The following LGMN variants were observed in gnomAD, a reference collection of about 807,000 sequenced individuals.
LGMN encodes asparaginyl endopeptidase.
Under a neutral mutation model 56.8 loss-of-function variants are expected in LGMN, and 36 were observed. The observed-to-expected ratio is 0.63, with a 90% CI of 0.49 to 0.84. The LOEUF is 0.84. Among genes scored for constraint, LGMN ranks in the 40% least tolerant of loss-of-function variants. The pLI is 0.00. For missense variants in LGMN, 446 were observed against 556.1 expected, an observed-to-expected ratio of 0.80 and a Z score of 1.99; for synonymous variants, 199 against 210.1, an observed-to-expected ratio of 0.95 and a Z score of 0.46.
chr14:92,717,118 T>C (rs1890111096), intron 4 of LGMN, among the ~76,000 whole-genome samples: 2 of 152,152 alleles, frequency 1.3e-5, no homozygotes, highest in South Asian at 4.1e-4. Context: ...TTAATATGGA[T>C]GAAACTACAT....
At chr14:92,725,736 C>A (rs879929911) in intron 2 of LGMN, among the ~76,000 whole-genome samples, 5 of 151,576 alleles carry the variant, frequency 3.3e-5, no homozygotes, top group Admixed American at 2.6e-4. Flanking sequence ...CCACCATGCC[C>A]GGCTAATTTT....
At chr14:92,733,968 T>C (rs1016741377) in intron 1 of LGMN, among the ~76,000 whole-genome samples, 2 of 152,234 alleles carry the variant, frequency 1.3e-5, no homozygotes, top group Non-Finnish European at 2.9e-5. Context: ...CTCATTTTTG[T>C]CTCCTTTTAA....
chr14:92,719,230 G>A (rs1460058524), intron 2 of LGMN, among the ~76,000 whole-genome samples: 13 of 22,882 alleles, frequency 5.7e-4, no homozygotes, highest in African/African-American at 2.4e-3. Context: ...CACCACCACC[G>A]CCACCGCCAC....
chr14:92,707,020 A>C (rs1188572131), intron 11 of LGMN, among the ~76,000 whole-genome samples: 1 of 152,186 alleles, frequency 6.6e-6, no homozygotes. Flanking sequence ...ATGGTTACAC[A>C]GCAGGGCACA....
At chr14:92,723,274 T>C (rs900146695) in intron 2 of LGMN, among the ~76,000 whole-genome samples, 2 of 152,106 alleles carry the variant, frequency 1.3e-5, no homozygotes, top group African/African-American at 4.8e-5. Flanking sequence ...CTCAAACTCC[T>C]GACCTCGTGA....
intron 2 of LGMN, among the ~76,000 whole-genome samples, chr14:92,730,315 A>G (rs529840971): frequency 6.6e-6 from 1 of 152,372 alleles, no homozygotes; most frequent in African/African-American, 2.4e-5. Context: ...CGGCTAACAT[A>G]CAAAAACGAT....
At chr14:92,708,868 A>AAAAAAAAAAAAAAC (rs1566915008) in intron 11 of LGMN, among the ~76,000 whole-genome samples, 1 of 150,870 alleles carries the variant, frequency 6.6e-6, no homozygotes, top group Non-Finnish European at 1.5e-5. Context: ...AAAAAAAAAA[A>AAAAAAAAAAAAAAC]AAAAAAAAAA....
At chr14:92,741,308 C>A (rs182759406) in intron 1 of LGMN, 39 of 152,232 alleles carry the variant, frequency 2.6e-4, no homozygotes, top group Admixed American at 1.5e-3. Flanking sequence ...ACCAACAATG[C>A]AAGTAATAAG....
At chr14:92,748,129 G>A (rs1324922568) in intron 1 of LGMN, among the ~76,000 whole-genome samples, 3 of 152,106 alleles carry the variant, frequency 2.0e-5, no homozygotes, top group African/African-American at 7.2e-5. Flanking sequence ...AGGTCGTAAA[G>A]GCTGGAACCA....
At chr14:92,719,619 A>G (rs1595542128) in intron 2 of LGMN, among the ~76,000 whole-genome samples, 1 of 152,224 alleles carries the variant, frequency 6.6e-6, no homozygotes, top group East Asian at 1.9e-4. Flanking sequence ...GACACTGTTT[A>G]GAGAACTGAC....
intron 10 of LGMN, among the ~76,000 whole-genome samples, chr14:92,711,151 C>T (rs1459004151): frequency 1.3e-5 from 2 of 152,190 alleles, no homozygotes; most frequent in Non-Finnish European, 2.9e-5. Context: ...CCACACAGGT[C>T]CCTTCTGGAC....
At chr14:92,709,973 G>A in intron 10 of LGMN, 101 bp from the exon 11 acceptor site, 2 of 941,720 alleles carry the variant, frequency 2.1e-6, no homozygotes, top group Admixed American at 2.7e-5. Flanking sequence ...AGTGGGAGGA[G>A]CAGAGGTGCC....
At position 92,717,411 on chromosome 14, in the gene LGMN, T is replaced by G; in HGVS notation, c.287A>C (p.Tyr96Ser). ...AGTGTAGTCCTTCGGGACTCCCTGA[T>G]AGACATCTGTGCCATTGGGCCTGTT... ...VINRPNGTDV[Y>S]QGVPKDYTGE... The change falls in exon 4 of 14, where the codon TAT becomes TCT. Residue 96 changes from tyrosine to serine, a missense_variant. Transcript: ENST00000334869. 1 of 1,613,242 alleles carries G rather than the reference T, an allele frequency of 6.2e-7. No individual in the cohort carries two copies. Among genetic ancestry groups the G allele is most frequent in the Admixed American group, 1.7e-5 (1 of 60,016 alleles).
chr14:92,711,606 G>A, intron 10 of LGMN, 53 bp downstream of exon 10: 1 of 1,459,072 alleles, frequency 6.9e-7, no homozygotes, highest in African/African-American at 1.4e-5. Context: ...TTCCAGGCAA[G>A]TCCACCTAGG....
chr14:92,705,204 C>T (rs1889364737), intron 12 of LGMN, among the ~76,000 whole-genome samples: 1 of 152,180 alleles, frequency 6.6e-6, no homozygotes, highest in Non-Finnish European at 1.5e-5. Context: ...CTCCAAAGGT[C>T]AAAAGACCAA....
intron 3 of LGMN, 133 bp downstream of exon 3, chr14:92,718,614 C>A: frequency 2.0e-6 from 1 of 510,216 alleles, no homozygotes. Context: ...CATGAGGTAT[C>A]CCTGTGATCT....
intron 10 of LGMN, among the ~76,000 whole-genome samples, chr14:92,711,332 T>C (rs1026831525): frequency 1.3e-5 from 2 of 152,210 alleles, no homozygotes; most frequent in Non-Finnish European, 2.9e-5. Flanking sequence ...TGCTGCACAC[T>C]AGGCCTGTGT....
intron 1 of LGMN, among the ~76,000 whole-genome samples, chr14:92,737,154 G>A (rs1484598851): frequency 6.6e-6 from 1 of 152,146 alleles, no homozygotes; most frequent in Non-Finnish European, 1.5e-5. Context: ...ATTCAACTCT[G>A]CCACTGTATC....
At chr14:92,732,593 A>C in intron 2 of LGMN, 56 bp downstream of exon 2, 1 of 1,580,882 alleles carries the variant, frequency 6.3e-7, no homozygotes, top group Non-Finnish European at 8.6e-7. Flanking sequence ...CAGTGTCTGG[A>C]ATTGTTTTCA....
Sources: gnomAD v4.1 joint callset for allele counts (sites outside exome capture counted in the v4.1 genomes callset) on GRCh38, gnomAD v4.1.1 for gene constraint, MANE v1.5 for transcripts, NCBI Gene and HGNC (gene_info 2026-07-23, HGNC 2026-07-21) for gene names.